MAN2A1: variants seen among roughly 807,000 people sequenced by gnomAD.
The protein encoded by MAN2A1 is mannosidase alpha class 2A member 1.
A neutral mutation model predicts 142.6 loss-of-function variants in MAN2A1; 76 were observed. That is an observed-to-expected ratio of 0.53 (90% CI 0.44 to 0.65). The LOEUF (loss-of-function observed/expected upper bound fraction) is 0.65. Among genes scored for constraint, MAN2A1 ranks in the 30% least tolerant of loss-of-function variants. The pLI, the probability that MAN2A1 is intolerant of heterozygous loss-of-function variation, is 0.00. For missense variants in MAN2A1, 1,311 were observed against 1,365.1 expected, an observed-to-expected ratio of 0.96 and a Z score of 0.62; for synonymous variants, 559 against 473.2, an observed-to-expected ratio of 1.18 and a Z score of -2.35.
chr5:109,738,922 C>T (rs1161214800), intron 4 of MAN2A1, among the ~76,000 whole-genome samples: 1 of 152,126 alleles, frequency 6.6e-6, no homozygotes, highest in Non-Finnish European at 1.5e-5. Flanking sequence ...CAGCTCACTG[C>T]AGTCTCAACC....
intron 12 of MAN2A1, among the ~76,000 whole-genome samples, chr5:109,806,777 A>G (rs576723484): frequency 2.6e-5 from 4 of 152,200 alleles, no homozygotes; most frequent in Admixed American, 6.5e-5. Context: ...TGTGAAGGAC[A>G]ACTTTATATT....
chr5:109,787,312 A>G (rs1307136545), intron 10 of MAN2A1, among the ~76,000 whole-genome samples: 1 of 151,996 alleles, frequency 6.6e-6, no homozygotes, highest in Non-Finnish European at 1.5e-5. Context: ...ACATGCTAAC[A>G]TCTCCTTAAT....
At chr5:109,713,049 T>C (rs1751347410) in intron 1 of MAN2A1, among the ~76,000 whole-genome samples, 1 of 152,180 alleles carries the variant, frequency 6.6e-6, no homozygotes, top group Non-Finnish European at 1.5e-5. Context: ...ATAGATGATA[T>C]TTCTTATTTA....
intron 8 of MAN2A1, among the ~76,000 whole-genome samples, chr5:109,780,088 C>T (rs192353291): frequency 1.3e-5 from 2 of 152,114 alleles, no homozygotes; most frequent in Non-Finnish European, 2.9e-5. Context: ...GATGGAGTCT[C>T]GCTCTGTCAC....
At chr5:109,743,594 C>T (rs748252007) in intron 4 of MAN2A1, among the ~76,000 whole-genome samples, 4 of 152,114 alleles carry the variant, frequency 2.6e-5, no homozygotes, top group Non-Finnish European at 5.9e-5. Flanking sequence ...TTTCCACCTC[C>T]CTTTCCTGTG....
At chr5:109,710,289 T>C (rs574912554) in intron 1 of MAN2A1, among the ~76,000 whole-genome samples, 77 of 152,322 alleles carry the variant, frequency 5.1e-4, no homozygotes, top group African/African-American at 1.8e-3. Flanking sequence ...TGAATAATAC[T>C]CTTATCCATG....
At chr5:109,825,959 T>C (rs1167876867) in intron 16 of MAN2A1, among the ~76,000 whole-genome samples, 1 of 136,332 alleles carries the variant, frequency 7.3e-6, no homozygotes, top group East Asian at 2.5e-4. Flanking sequence ...CAGGCTGGAG[T>C]GCAGTGGAGC....
chr5:109,794,912 C>T (rs1753822690), intron 12 of MAN2A1, among the ~76,000 whole-genome samples: 3 of 151,734 alleles, frequency 2.0e-5, no homozygotes, highest in African/African-American at 7.3e-5. Flanking sequence ...TTGGCTAGTT[C>T]CCTGATTATC....
chr5:109,858,896 G>T (rs1755689972), intron 20 of MAN2A1, among the ~76,000 whole-genome samples: 1 of 152,202 alleles, frequency 6.6e-6, no homozygotes, highest in African/African-American at 2.4e-5. Flanking sequence ...GTTGCAGGCT[G>T]CAGGTATGAC....
At chr5:109,819,039 A>G (rs571501317) in intron 13 of MAN2A1, among the ~76,000 whole-genome samples, 1 of 152,328 alleles carries the variant, frequency 6.6e-6, no homozygotes, top group East Asian at 1.9e-4. Flanking sequence ...TCAATTTTAT[A>G]ATAGCGTGAA....
chr5:109,741,648 GA>G (rs1483978118), intron 4 of MAN2A1, among the ~76,000 whole-genome samples: 3 of 152,234 alleles, frequency 2.0e-5, no homozygotes, highest in East Asian at 3.9e-4. Context: ...TTGATTGTGG[GA>G]ACTTAACAGA....
chr5:109,861,108 C>T (rs549900744), intron 20 of MAN2A1, among the ~76,000 whole-genome samples: 41 of 152,196 alleles, frequency 2.7e-4, no homozygotes, highest in Admixed American at 1.8e-3. Flanking sequence ...GCTTTCTAAC[C>T]ATGAGACTTA....
intron 4 of MAN2A1, among the ~76,000 whole-genome samples, chr5:109,748,309 GT>G (rs1320738019): frequency 1.3e-5 from 2 of 151,208 alleles, no homozygotes; most frequent in African/African-American, 4.9e-5. Flanking sequence ...TCTTAATGAA[GT>G]TTTAACTTGC....
chr5:109,767,485 T>C, intron 5 of MAN2A1, 50 bp from the exon 6 acceptor site: 2 of 1,488,386 alleles, frequency 1.3e-6, no homozygotes, highest in African/African-American at 1.4e-5. Context: ...GACTTCTTTT[T>C]ATTTCATATA....
At chr5:109,713,806 C>CTT (rs56350644) in intron 2 of MAN2A1, 32 bp downstream of exon 2, 4,666 of 1,375,036 alleles carry the variant, frequency 3.4e-3, no homozygotes, top group African/African-American at 7.0e-3. Flanking sequence ...AATCACTGGC[C>CTT]TTTTTTTTTT....
intron 5 of MAN2A1, among the ~76,000 whole-genome samples, chr5:109,760,398 G>T (rs1037581936): frequency 6.6e-6 from 1 of 152,120 alleles, no homozygotes; most frequent in Admixed American, 6.5e-5. Flanking sequence ...GGGCATTTGG[G>T]TTGGTTCCAA....
chr5:109,753,047 C>T (rs1264860284), intron 4 of MAN2A1, among the ~76,000 whole-genome samples: 1 of 152,116 alleles, frequency 6.6e-6, no homozygotes, highest in Admixed American at 6.6e-5. Context: ...TCTTAATCTG[C>T]AGTTTTTTTC....
chr5:109,840,607 C>A (rs1053432533), intron 16 of MAN2A1: 4 of 486,004 alleles, frequency 8.2e-6, no homozygotes, highest in Non-Finnish European at 1.6e-5. Flanking sequence ...TCTGCCTTTT[C>A]TGAGATGAAG....
At chr5:109,837,825 GTTC>G (rs1177820939) in intron 16 of MAN2A1, among the ~76,000 whole-genome samples, 1 of 152,166 alleles carries the variant, frequency 6.6e-6, no homozygotes, top group Non-Finnish European at 1.5e-5. Context: ...TAAAATGAAA[GTTC>G]TTATTCTCTC....
Sources: allele counts gnomAD v4.1 joint callset (sites outside exome capture counted in the v4.1 genomes callset), GRCh38; gene constraint gnomAD v4.1.1; transcripts MANE v1.5; gene names NCBI Gene and HGNC (gene_info 2026-07-23, HGNC 2026-07-21).